Variants in CATSPER2 observed in about 807,000 individuals in gnomAD.
CATSPER2 encodes cation channel sperm associated 2.
CATSPER2 carries 56 observed loss-of-function variants against 68.8 expected under a neutral mutation model. The ratio of observed to expected loss-of-function variants is 0.81; its 90% CI spans 0.66 to 1.02. The LOEUF (loss-of-function observed/expected upper bound fraction) is 1.02, where lower values mean the gene tolerates loss of function less well. Among genes scored for constraint, CATSPER2 ranks in the 50% least tolerant of loss-of-function variants. The pLI, the probability that CATSPER2 is intolerant of heterozygous loss-of-function variation, is 0.00. For synonymous variants in CATSPER2, 198 were observed against 229.9 expected, an observed-to-expected ratio of 0.86 and a Z score of 1.26; for missense variants, 582 against 642.0, an observed-to-expected ratio of 0.91 and a Z score of 1.01.
Position 43,636,258 on chromosome 15 carries a change from C to T in CATSPER2, c.843-39G>A, listed in dbSNP as rs769193133. On this transcript the variant is annotated intron_variant, in intron 7 of 12. Transcript: ENST00000396879. ...CATGTGAATAGACAGAAGCAGAGAC[C>T]TAAACCTTTCAAAAATGGTACCATT... 1.0e-5 allele frequency: 16 copies of T among 1,607,814 alleles called. 1 individual carries two copies. The South Asian group carries it at 1.5e-4, about 16-fold the overall frequency.
Position 43,648,831 on chromosome 15 carries a change from C to A in CATSPER2, c.-205G>T. The A allele has an allele frequency of 6.5e-7, 1 of 1,531,338 alleles. No individual in the cohort carries two copies. The highest frequency in any genetic ancestry group is 8.7e-7 in the Non-Finnish European group (1 of 1,143,170). The allele number at this position is 1,531,338 out of a possible 1,614,324, so 94.9% of individuals were successfully genotyped here. On this transcript the variant is annotated 5_prime_UTR_variant, in exon 1 of 13. Coordinates refer to ENST00000396879, the MANE Select transcript of CATSPER2 (RefSeq NM_172095.4). ...CCTAGCCCCTACCCACAGCCCAGGA[C>A]CATGCGGAGCAACGCTCGCCCAGCC...
At chr15:43,641,604 C>T (rs1456550867) in intron 4 of CATSPER2, among the ~76,000 whole-genome samples, 2 of 151,700 alleles carry the variant, frequency 1.3e-5, no homozygotes, top group African/African-American at 4.8e-5. Context: ...CATCCTGATG[C>T]TGAACTGAAT....
At position 43,632,297 on chromosome 15, in the gene CATSPER2, T is replaced by C. The variant is rs1383191884; in HGVS notation, c.1463A>G (p.Asp488Gly). ...GAGTGAGTCTCTGGGCCAAACACGG[T>C]CATCCTGATCCATTTCCATTAGCCC... ...LPGLMEMDQDDRVWPRDSLFR... is the reference protein window; with the variant it reads ...LPGLMEMDQDGRVWPRDSLFR... Residue 488 changes from aspartate (D) to glycine (G), a missense_variant, in exon 12 of 13, where the codon GAC becomes GGC. This residue lies in a region of CATSPER2 where 235 missense variants were observed against 264.2 expected (regional missense o/e 0.89). Transcript: ENST00000396879. 6.2e-7 allele frequency: 1 copy of C among 1,613,672 alleles called. No homozygotes were observed. Among genetic ancestry groups the C allele is most frequent in the Admixed American group, 1.7e-5 (1 of 59,972 alleles).
Position 43,636,121 on chromosome 15 carries a change from C to T in CATSPER2, c.941G>A (p.Arg314His), listed in dbSNP as rs1488072895. The T allele has an allele frequency of 4.4e-6, 7 of 1,601,810 alleles. 1 individual carries two copies. The highest frequency in any genetic ancestry group is 4.0e-5 in the African/African-American group (3 of 74,506). Reference sequence around the variant, plus strand: ...GATGAAATAGATGCTGCTGAAGATGCGACTGACTTCAGGCACCTTCCAGAC... The same window carrying T: ...GATGAAATAGATGCTGCTGAAGATGTGACTGACTTCAGGCACCTTCCAGAC... ...QDVWKVPEVS[R>H]IFSSIYFILW... is the part of the protein sequence containing the mutation. The change falls in exon 8 of 13, where the codon CGC becomes CAC. Residue 314 changes from arginine to histidine, a missense_variant. Coordinates refer to ENST00000396879, the MANE Select transcript of CATSPER2 (RefSeq NM_172095.4).
At chr15:43,641,973 T>C (rs750589515) in intron 4 of CATSPER2, among the ~76,000 whole-genome samples, 1 of 152,040 alleles carries the variant, frequency 6.6e-6, no homozygotes, top group Non-Finnish European at 1.5e-5. Flanking sequence ...GCTGGGGTTA[T>C]AGGCATGAGC....
At chr15:43,646,940 C>T in intron 4 of CATSPER2, 110 bp downstream of exon 4, 2 of 919,766 alleles carry the variant, frequency 2.2e-6, no homozygotes, top group South Asian at 2.6e-5. Flanking sequence ...TGGTCTCCAA[C>T]TCCTGAGCTC....
At chr15:43,644,445 T>C (rs1380207763) in intron 4 of CATSPER2, among the ~76,000 whole-genome samples, 1 of 151,944 alleles carries the variant, frequency 6.6e-6, no homozygotes, top group Non-Finnish European at 1.5e-5. Flanking sequence ...TTTTACCAAA[T>C]AGAATAGTTA....
In CATSPER2 at chr15:43,638,286, C is replaced by CTTTCTTTTTTTTTTTTTT. The variant is rs1354288133; in HGVS notation, c.842+617_842+618insAAAAAAAAAAAAAAGAAA. 1.4e-3 allele frequency among the ~76,000 whole-genome samples: 117 copies of CTTTCTTTTTTTTTTTTTT among 81,832 alleles called. 13 individuals carry two copies. The highest frequency in any genetic ancestry group is 8.1e-3 in the African/African-American group (108 of 13,270). The allele number at this position is 81,832 out of a possible 152,430, so 53.7% of individuals were successfully genotyped here. The stretch of plus-strand genomic sequence containing the variant: ...ATTTTTCTTTTCTTTTTCTTTCTTT[C>CTTTCTTTTTTTTTTTTTT]TTTTTTTTTTTTTTTTTTTTTGAGA... On this transcript the variant is annotated intron_variant, in intron 7 of 12. Transcript: ENST00000396879.
chr15:43,634,439 C>G (rs2141551950), intron 10 of CATSPER2: 1 of 152,060 alleles, frequency 6.6e-6, no homozygotes, highest in South Asian at 2.1e-4. Context: ...TAGTCTCGAA[C>G]TCCTGAGCTC....
intron 7 of CATSPER2, among the ~76,000 whole-genome samples, chr15:43,637,471 G>C (rs2085984402): frequency 6.6e-6 from 1 of 151,600 alleles, no homozygotes; most frequent in Admixed American, 6.6e-5. Context: ...ATAAAATCTG[G>C]GACTTTCCTA....
chr15:43,647,250 G>A (rs773559114), intron 3 of CATSPER2, 44 bp downstream of exon 3: 1 of 1,583,548 alleles, frequency 6.3e-7, no homozygotes, highest in Non-Finnish European at 8.7e-7. Flanking sequence ...TCATTAGGCA[G>A]ATGATCAACA....
chr15:43,647,013 G>A (rs759280579), intron 4 of CATSPER2, 37 bp downstream of exon 4: 5 of 1,562,740 alleles, frequency 3.2e-6, no homozygotes, highest in East Asian at 2.2e-5. Flanking sequence ...CGGCGTGCCC[G>A]GCCTCACTTC....
Position 43,632,789 on chromosome 15 carries a change from A to T in CATSPER2, c.1324T>A (p.Ser442Thr). Residue 442 changes from serine (S) to threonine (T), a missense_variant, in exon 11 of 13, where the codon TCT becomes ACT. Physicochemically the swap from Ser to Thr is moderately conservative, Grantham distance 58. Coordinates refer to ENST00000396879, the MANE Select transcript of CATSPER2 (RefSeq NM_172095.4). Reference sequence around the variant, plus strand: ...GATGTGGAGGAGACACAGGAGGAAGACTGGTACTCTCTCTTTTTTGACAAG... The same window carrying T: ...GATGTGGAGGAGACACAGGAGGAAGTCTGGTACTCTCTCTTTTTTGACAAG... The part of the protein sequence containing the change: ...ETLSKKREYQ[S>T]SSCVSSTSSS... The T allele has an allele frequency of 6.2e-7, 1 of 1,613,752 alleles. No homozygotes were observed. The highest frequency in any genetic ancestry group is 8.5e-7 in the Non-Finnish European group (1 of 1,179,836).
chr15:43,641,384 A>G (rs2086071290), intron 4 of CATSPER2, among the ~76,000 whole-genome samples: 1 of 151,678 alleles, frequency 6.6e-6, no homozygotes, highest in Non-Finnish European at 1.5e-5. Flanking sequence ...AAGTGCTGGG[A>G]TTATAGGCGT....
chr15:43,648,692 C>A lies in CATSPER2; in HGVS notation c.-66G>T. 1 of 1,452,904 alleles carries A rather than the reference C, an allele frequency of 6.9e-7. No individual in the cohort carries two copies. Among genetic ancestry groups the A allele is most frequent in the Non-Finnish European group, 9.0e-7 (1 of 1,105,740 alleles). 90.0% of individuals were successfully genotyped at this position (1,452,904 alleles called of 1,614,324 possible). On this transcript the variant is annotated 5_prime_UTR_variant, in exon 1 of 13. Coordinates refer to ENST00000396879, the MANE Select transcript of CATSPER2 (RefSeq NM_172095.4). The stretch of plus-strand genomic sequence containing the variant: ...CACGCTTCCGCCTCCAGCTCAGGTG[C>A]CCCGAGCCTGGCTACCCCTATGCAA...
rs2085889293 is a variant in CATSPER2, at chr15:43,632,341, AAG to A, written c.1417_1418del (p.Leu473CysfsTer15). The A allele has an allele frequency of 6.2e-7, 1 of 1,613,610 alleles. No individual in the cohort carries two copies. The highest frequency in any genetic ancestry group is 8.5e-7 in the Non-Finnish European group (1 of 1,179,886). On this transcript the variant is annotated frameshift_variant, in exon 12 of 13. Coordinates refer to ENST00000396879, the MANE Select transcript of CATSPER2 (RefSeq NM_172095.4). LOFTEE classifies it high-confidence loss of function. The stretch of plus-strand genomic sequence containing the variant: ...TTAGCCCGGGCAGATTTTCGTGCAC[AAG>A]AGTCTCCCAGTCCAAACGACCTGCA... ...ESIGRLDWET[L>X]VHENLPGLME...
At chr15:43,640,560 G>T (rs1275430721) in intron 4 of CATSPER2, 64 bp from the exon 5 acceptor site, 2 of 1,608,322 alleles carry the variant, frequency 1.2e-6, no homozygotes, top group East Asian at 4.5e-5. Flanking sequence ...GATGGAGAAT[G>T]AACACACTTA....
intron 12 of CATSPER2, chr15:43,631,524 C>T (rs903930833): frequency 2.9e-5 from 11 of 380,704 alleles, no homozygotes; most frequent in South Asian, 1.7e-4. Flanking sequence ...CCACCGTGCC[C>T]GGCCTTTTTT....
Position 43,630,648 on chromosome 15 carries a change from A to G in CATSPER2, c.*53T>C. ...TATTTTCAATTCTCTATTTCCAACA[A>G]TTCCCTTCATTATCTTTTGCTGGGC... On this transcript the variant is annotated 3_prime_UTR_variant, in exon 13 of 13. Coordinates refer to ENST00000396879, the MANE Select transcript of CATSPER2 (RefSeq NM_172095.4). 6.2e-7 allele frequency: 1 copy of G among 1,608,628 alleles called. No individual in the cohort carries two copies. Among genetic ancestry groups the G allele is most frequent in the Non-Finnish European group, 8.5e-7 (1 of 1,177,598 alleles).
Sources: gnomAD v4.1 joint callset for allele counts (sites outside exome capture counted in the v4.1 genomes callset) on GRCh38, gnomAD v4.1.1 for gene constraint, gnomAD v4.1.1 regional missense constraint, MANE v1.5 for transcripts, NCBI Gene and HGNC (gene_info 2026-07-23, HGNC 2026-07-21) for gene names.